Variants in CTNNA3 observed in about 807,000 individuals in gnomAD.
CTNNA3 encodes the protein catenin alpha 3.
Under a neutral mutation model 95.7 loss-of-function variants are expected in CTNNA3, and 76 were observed. The observed-to-expected ratio is 0.79, with a 90% CI of 0.66 to 0.96. CTNNA3 has a LOEUF of 0.96. Among genes scored for constraint, CTNNA3 ranks in the 40% least tolerant of loss-of-function variants. The pLI is 0.00. For missense variants in CTNNA3, 1,191 were observed against 1,089.8 expected (o/e 1.09, Z -1.31); for synonymous variants, 431 against 374.4 (o/e 1.15, Z -1.74).
intron 2 of CTNNA3, among the ~76,000 whole-genome samples, chr10:67,645,478 C>T (rs1481801327): frequency 1.3e-5 from 2 of 152,056 alleles, no homozygotes; most frequent in African/African-American, 4.8e-5. Flanking sequence ...TTTCACCAGC[C>T]ATCTCCGAAA....
chr10:67,490,554 G>A (rs1473242088), intron 5 of CTNNA3, among the ~76,000 whole-genome samples: 2 of 152,154 alleles, frequency 1.3e-5, no homozygotes, highest in African/African-American at 4.8e-5. Flanking sequence ...AAGCCTACCT[G>A]GGGAACAAGG....
At chr10:67,164,315 T>C (rs1176145074) in intron 7 of CTNNA3, among the ~76,000 whole-genome samples, 1 of 152,010 alleles carries the variant, frequency 6.6e-6, no homozygotes, top group African/African-American at 2.4e-5. Context: ...CATACACAAG[T>C]ACAGCAAATT....
intron 7 of CTNNA3, among the ~76,000 whole-genome samples, chr10:67,151,097 A>AAG (rs1861069787): frequency 6.6e-6 from 1 of 152,180 alleles, no homozygotes; most frequent in South Asian, 2.1e-4. Context: ...TCCTAAAACT[A>AAG]AAAATTACTT....
chr10:66,429,616 G>A (rs868301315), intron 11 of CTNNA3, among the ~76,000 whole-genome samples: 8 of 152,130 alleles, frequency 5.3e-5, no homozygotes, highest in Non-Finnish European at 8.8e-5. Flanking sequence ...ATCAATAAAT[G>A]TAATCCAGCA....
chr10:66,385,618 G>T (rs566618040), intron 11 of CTNNA3, among the ~76,000 whole-genome samples: 1 of 152,248 alleles, frequency 6.6e-6, no homozygotes, highest in Admixed American at 6.5e-5. Context: ...TGATACCAAA[G>T]CCTGGCAGAG....
At chr10:66,220,501 G>C (rs76693915) in intron 13 of CTNNA3, among the ~76,000 whole-genome samples, 5,156 of 152,212 alleles carry the variant, frequency 0.034, 211 homozygotes, top group African/African-American at 0.099. Context: ...TGAAGAGGGT[G>C]TGTGATACAG....
chr10:66,661,030 C>T (rs539517398), intron 9 of CTNNA3, among the ~76,000 whole-genome samples: 2 of 152,016 alleles, frequency 1.3e-5, no homozygotes, highest in East Asian at 3.9e-4. Flanking sequence ...TACAGTGCCT[C>T]GTACATAGTA....
intron 9 of CTNNA3, among the ~76,000 whole-genome samples, chr10:66,650,623 G>A (rs1170649551): frequency 6.6e-6 from 1 of 152,110 alleles, no homozygotes; most frequent in Non-Finnish European, 1.5e-5. Context: ...TCCTTCAGAT[G>A]TTCAGATGTG....
intron 17 of CTNNA3, among the ~76,000 whole-genome samples, chr10:65,962,288 C>G (rs1177006494): frequency 6.6e-6 from 1 of 152,148 alleles, no homozygotes; most frequent in Non-Finnish European, 1.5e-5. Context: ...ATTCAACAAG[C>G]AAAACCTGAA....
intron 7 of CTNNA3, among the ~76,000 whole-genome samples, chr10:66,913,953 T>A (rs536251481): frequency 2.5e-4 from 38 of 152,254 alleles, no homozygotes; most frequent in Admixed American, 5.2e-4. Flanking sequence ...ACCCTTTCCC[T>A]GCCTTGCCCC....
intron 5 of CTNNA3, among the ~76,000 whole-genome samples, chr10:67,429,928 C>T (rs1846053608): frequency 6.6e-6 from 1 of 151,948 alleles, no homozygotes; most frequent in Admixed American, 6.6e-5. Flanking sequence ...ATCTCTGTCT[C>T]TCTCACTCGA....
At chr10:66,646,293 AT>A (rs1440722849) in intron 9 of CTNNA3, among the ~76,000 whole-genome samples, 1 of 152,196 alleles carries the variant, frequency 6.6e-6, no homozygotes, top group Non-Finnish European at 1.5e-5. Flanking sequence ...GTGGATAGGC[AT>A]CAGCATTCCA....
At chr10:66,852,801 GT>G (rs1843542955) in intron 7 of CTNNA3, among the ~76,000 whole-genome samples, 1 of 151,986 alleles carries the variant, frequency 6.6e-6, no homozygotes, top group Non-Finnish European at 1.5e-5. Flanking sequence ...GGTAAAATTT[GT>G]TTTTATGAAT....
chr10:66,854,222 T>C (rs1024967631), intron 7 of CTNNA3, among the ~76,000 whole-genome samples: 1 of 152,094 alleles, frequency 6.6e-6, no homozygotes, highest in African/African-American at 2.4e-5. Context: ...AAAATAGGCA[T>C]GTTTTGAAGA....
intron 13 of CTNNA3, among the ~76,000 whole-genome samples, chr10:66,163,447 G>A (rs2084957104): frequency 6.6e-6 from 1 of 152,122 alleles, no homozygotes; most frequent in Non-Finnish European, 1.5e-5. Flanking sequence ...TCCAGGTAAA[G>A]TCAGAAATTT....
chr10:66,987,457 G>A (rs550137520), intron 7 of CTNNA3, among the ~76,000 whole-genome samples: 3 of 152,242 alleles, frequency 2.0e-5, no homozygotes, highest in African/African-American at 7.2e-5. Context: ...GCTGAGGCTT[G>A]GGGTCTTAGC....
intron 12 of CTNNA3, among the ~76,000 whole-genome samples, chr10:66,341,489 A>C (rs997656163): frequency 2.0e-5 from 3 of 151,934 alleles, no homozygotes; most frequent in Non-Finnish European, 4.4e-5. Context: ...AAGAAATAGG[A>C]CTAATTGGAT....
chr10:67,513,875 T>A (rs1839720891), intron 5 of CTNNA3, among the ~76,000 whole-genome samples: 1 of 152,164 alleles, frequency 6.6e-6, no homozygotes. Context: ...ATACCAAGGA[T>A]CAATAGAGGG....
chr10:67,548,219 CA>C (rs1222807794), intron 3 of CTNNA3, among the ~76,000 whole-genome samples: 2 of 152,182 alleles, frequency 1.3e-5, no homozygotes, highest in African/African-American at 4.8e-5. Flanking sequence ...CGTCATGTGA[CA>C]ATGCTAGCTC....
Sources: gnomAD v4.1 joint callset for allele counts (sites outside exome capture counted in the v4.1 genomes callset) on GRCh38, gnomAD v4.1.1 for gene constraint, MANE v1.5 for transcripts, NCBI Gene and HGNC (gene_info 2026-07-23, HGNC 2026-07-21) for gene names.